GABBR2: variants seen among roughly 807,000 people sequenced by gnomAD.
The protein encoded by GABBR2 is G-protein coupled receptor 51.
GABBR2 carries 23 observed loss-of-function variants against 105.6 expected under a neutral mutation model. That is an observed-to-expected ratio of 0.22 (90% CI 0.16 to 0.31). The LOEUF is 0.31. Among genes scored for constraint, GABBR2 ranks in the 10% least tolerant of loss-of-function variants. The pLI is 1.00. For missense variants in GABBR2, 734 were observed against 1,245.5 expected (o/e 0.59, Z 6.18); for synonymous variants, 478 against 499.7 (o/e 0.96, Z 0.58).
At chr9:98,513,460 T>C (rs1440304260) in intron 3 of GABBR2, among the ~76,000 whole-genome samples, 2 of 151,530 alleles carry the variant, frequency 1.3e-5, no homozygotes, top group African/African-American at 4.8e-5. Flanking sequence ...ACCATCAGAG[T>C]GAACAGGCAA....
intron 1 of GABBR2, among the ~76,000 whole-genome samples, chr9:98,592,806 G>A (rs1564124712): frequency 6.6e-6 from 1 of 152,198 alleles, no homozygotes; most frequent in African/African-American, 2.4e-5. Flanking sequence ...TAACTCTCCA[G>A]GTTGGAGCAC....
At chr9:98,532,209 A>G (rs941852885) in intron 3 of GABBR2, among the ~76,000 whole-genome samples, 2 of 152,188 alleles carry the variant, frequency 1.3e-5, no homozygotes, top group Admixed American at 1.3e-4. Flanking sequence ...TAACCCTTCA[A>G]ATGCCAAAGA....
intron 17 of GABBR2, among the ~76,000 whole-genome samples, chr9:98,295,987 T>C (rs952666588): frequency 1.3e-5 from 2 of 152,230 alleles, no homozygotes; most frequent in Non-Finnish European, 2.9e-5. Flanking sequence ...ATGGAGGCTT[T>C]ACAGAAAGAA....
At chr9:98,473,572 C>T (rs1194247149) in intron 5 of GABBR2, among the ~76,000 whole-genome samples, 1 of 152,008 alleles carries the variant, frequency 6.6e-6, no homozygotes, top group Non-Finnish European at 1.5e-5. Context: ...AACATAAGGG[C>T]CCATAAAAAT....
At chr9:98,443,053 A>G (rs1826059103) in intron 7 of GABBR2, among the ~76,000 whole-genome samples, 1 of 152,254 alleles carries the variant, frequency 6.6e-6, no homozygotes, top group African/African-American at 2.4e-5. Flanking sequence ...AATTCAATCC[A>G]TAACAGGTGA....
intron 7 of GABBR2, among the ~76,000 whole-genome samples, chr9:98,422,771 C>A (rs951970930): frequency 3.5e-5 from 5 of 143,972 alleles, no homozygotes; most frequent in East Asian, 2.2e-4. Flanking sequence ...CTCCCCCTAC[C>A]CCACAACAGT....
At chr9:98,625,920 C>A (rs1829730628) in intron 1 of GABBR2, among the ~76,000 whole-genome samples, 1 of 152,160 alleles carries the variant, frequency 6.6e-6, no homozygotes. Context: ...TCTGGATTCA[C>A]ACCAAGTGCA....
chr9:98,647,872 AGTT>A (rs1830047156), intron 1 of GABBR2, among the ~76,000 whole-genome samples: 1 of 152,170 alleles, frequency 6.6e-6, no homozygotes, highest in Non-Finnish European at 1.5e-5. Flanking sequence ...AAAAGATGCC[AGTT>A]ATTCAAGTAC....
At chr9:98,705,358 G>C (rs1830880480) in intron 1 of GABBR2, among the ~76,000 whole-genome samples, 1 of 152,176 alleles carries the variant, frequency 6.6e-6, no homozygotes, top group Non-Finnish European at 1.5e-5. Context: ...TCTGGTTGTA[G>C]GAGGCTCCTT....
intron 11 of GABBR2, among the ~76,000 whole-genome samples, chr9:98,373,921 A>G (rs970819825): frequency 6.8e-6 from 1 of 146,134 alleles, no homozygotes; most frequent in Admixed American, 6.9e-5. Context: ...ACAGTGGTAC[A>G]ATCACAGCTC....
Position 98,293,079 on chromosome 9 carries a change from T to C in GABBR2, c.2660+706A>G, listed in dbSNP as rs371514398. ...TGGTGATTTGGCTGCTTTTGCTGGT[T>C]CCTCATTGCTTGTCACTTCCAGAGG... On this transcript the variant is annotated intron_variant, in intron 18 of 18. Coordinates refer to ENST00000259455, the MANE Select transcript of GABBR2 (RefSeq NM_005458.8). 4.5e-4 allele frequency among the ~76,000 whole-genome samples: 68 copies of C among 152,334 alleles called. No individual in the cohort carries two copies. The East Asian group carries it at 4.8e-3, about 11-fold the overall frequency.
intron 13 of GABBR2, among the ~76,000 whole-genome samples, chr9:98,330,203 C>T (rs1831000080): frequency 6.6e-6 from 1 of 152,168 alleles, no homozygotes; most frequent in Non-Finnish European, 1.5e-5. Flanking sequence ...CATTTTCCTG[C>T]TCAAGGGGTT....
At position 98,657,193 on chromosome 9, in the gene GABBR2, A is replaced by T. The variant is rs116243183; in HGVS notation, c.321+51224T>A. The stretch of plus-strand genomic sequence containing the variant: ...ATCTACAACATTTCCATGATGCCCC[A>T]TCTTTAGGGCTTTACCCAGCTTTAA... On this transcript the variant is annotated intron_variant, in intron 1 of 18. Transcript: ENST00000259455. Among the ~76,000 whole-genome samples the T allele has an allele frequency of 9.1e-3, 1,380 of 152,320 alleles. 21 individuals carry two copies. Among genetic ancestry groups the T allele is most frequent in the African/African-American group, 0.031 (1,287 of 41,582 alleles).
chr9:98,330,578 C>G (rs1328211838), intron 13 of GABBR2, among the ~76,000 whole-genome samples: 1 of 152,172 alleles, frequency 6.6e-6, no homozygotes, highest in African/African-American at 2.4e-5. Context: ...AATCATTTAG[C>G]CTTCTAAAGC....
chr9:98,662,707 C>G (rs954178828), intron 1 of GABBR2, among the ~76,000 whole-genome samples: 4 of 152,106 alleles, frequency 2.6e-5, no homozygotes, highest in Non-Finnish European at 5.9e-5. Context: ...TTCTCCTGAA[C>G]CCCCAGGCCT....
chr9:98,649,932 C>T (rs1830082368), intron 1 of GABBR2, among the ~76,000 whole-genome samples: 1 of 152,146 alleles, frequency 6.6e-6, no homozygotes, highest in African/African-American at 2.4e-5. Flanking sequence ...CAACAATAAG[C>T]ATGTACAGCT....
Position 98,298,686 on chromosome 9 carries a change from G to C in GABBR2, c.2542+538C>G, listed in dbSNP as rs1247559858. ...TGTCCAGGCTGATCTCAAATTCCTG[G>C]ACTCAAAGAGATTCTCTAGCCTTGG... On this transcript the variant is annotated intron_variant, in intron 17 of 18. Transcript: ENST00000259455. Among the ~76,000 whole-genome samples the C allele has an allele frequency of 7.2e-5, 11 of 152,160 alleles. No individual in the cohort carries two copies. In the South Asian group the frequency reaches 1.5e-3, roughly 20 times the overall value.
At chr9:98,512,859 C>T (rs1457493225) in intron 3 of GABBR2, among the ~76,000 whole-genome samples, 2 of 152,180 alleles carry the variant, frequency 1.3e-5, no homozygotes, top group African/African-American at 4.8e-5. Context: ...CAATGCCATC[C>T]TCATCAAGCT....
intron 1 of GABBR2, among the ~76,000 whole-genome samples, chr9:98,685,068 A>G (rs1397623387): frequency 3.3e-5 from 5 of 152,202 alleles, no homozygotes; most frequent in Non-Finnish European, 5.9e-5. Context: ...TTCACCCTCA[A>G]TCTGGGTGGG....
Sources: gnomAD v4.1 joint callset for allele counts (sites outside exome capture counted in the v4.1 genomes callset) on GRCh38, gnomAD v4.1.1 for gene constraint, MANE v1.5 for transcripts, NCBI Gene and HGNC (gene_info 2026-07-23, HGNC 2026-07-21) for gene names.